PSMA8: variants seen among roughly 807,000 people sequenced by gnomAD.
PSMA8 encodes the protein proteasome subunit alpha-type 8.
Under a neutral mutation model 32.4 loss-of-function variants are expected in PSMA8, and 18 were observed. That is an observed-to-expected ratio of 0.56 (90% CI 0.38 to 0.82). PSMA8 has a LOEUF of 0.82. PSMA8 is among the 40% of genes least tolerant of loss of function. The pLI is 0.00. For missense variants in PSMA8, 298 were observed against 300.7 expected (o/e 0.99, Z 0.07); for synonymous variants, 104 against 98.1 (o/e 1.06, Z -0.36).
intron 6 of PSMA8, among the ~76,000 whole-genome samples, chr18:26,187,374 C>A (rs2055364451): frequency 6.6e-6 from 1 of 151,922 alleles, no homozygotes; most frequent in African/African-American, 2.4e-5. Flanking sequence ...AGCAGTGGCT[C>A]ACACCTGTAA....
At chr18:26,182,981 A>G (rs1474927872) in intron 6 of PSMA8, among the ~76,000 whole-genome samples, 1 of 151,950 alleles carries the variant, frequency 6.6e-6, no homozygotes, top group Middle Eastern at 3.4e-3. Context: ...AATCCCAGCT[A>G]CTTAGGAGGC....
chr18:26,140,333 TG>T (rs2054945563), intron 1 of PSMA8, among the ~76,000 whole-genome samples: 1 of 152,194 alleles, frequency 6.6e-6, no homozygotes, highest in African/African-American at 2.4e-5. Context: ...CTTGGATCCA[TG>T]GGGTCCATGG....
At chr18:26,179,674 A>G (rs1173600219) in intron 6 of PSMA8, among the ~76,000 whole-genome samples, 1 of 152,162 alleles carries the variant, frequency 6.6e-6, no homozygotes, top group Non-Finnish European at 1.5e-5. Flanking sequence ...AATGTAGTTC[A>G]CTATTGTTCA....
rs142644405 is a variant in PSMA8, at chr18:26,144,684, A to G, written c.228A>G (p.Ala76=). 5.6e-6 allele frequency: 9 copies of G among 1,613,538 alleles called. No homozygotes were observed. The highest frequency in any genetic ancestry group is 1.7e-6 in the Non-Finnish European group (2 of 1,179,738). Reference sequence around the variant, plus strand: ...ATGACCATGTCTGCATGGCTTTTGCAGGTACTTAAGGTCCTACAATAATGA... The same window carrying G: ...ATGACCATGTCTGCATGGCTTTTGCGGGTACTTAAGGTCCTACAATAATGA... ...ALDDHVCMAF[A]GLTADARVVI... Residue 76 remains alanine, a splice_region_variant and synonymous_variant, in exon 2 of 7, where the codon GCA becomes GCG. Transcript: ENST00000415576.
At chr18:26,175,132 G>A (rs1387622774) in intron 4 of PSMA8, among the ~76,000 whole-genome samples, 1 of 152,198 alleles carries the variant, frequency 6.6e-6, no homozygotes. Context: ...TGTGAGTAGA[G>A]TTTTTTGCTC....
intron 4 of PSMA8, chr18:26,171,108 G>T: frequency 1.3e-6 from 2 of 1,559,436 alleles, no homozygotes; most frequent in South Asian, 2.2e-5. Flanking sequence ...CTCAGGAATG[G>T]AGAACCAGGT....
intron 4 of PSMA8, among the ~76,000 whole-genome samples, chr18:26,173,952 G>A (rs1425669760): frequency 6.6e-6 from 1 of 151,828 alleles, no homozygotes; most frequent in Non-Finnish European, 1.5e-5. Context: ...ATGAATACTA[G>A]ATAATAACAT....
intron 4 of PSMA8, among the ~76,000 whole-genome samples, chr18:26,161,198 A>T (rs1007824074): frequency 6.6e-6 from 1 of 152,198 alleles, no homozygotes; most frequent in Admixed American, 6.5e-5. Context: ...TTTCTTGGGA[A>T]CTAGAACCTT....
At chr18:26,147,225 A>G (rs1312139121) in intron 2 of PSMA8, among the ~76,000 whole-genome samples, 5 of 151,862 alleles carry the variant, frequency 3.3e-5, no homozygotes, top group Non-Finnish European at 7.4e-5. Flanking sequence ...AAAAAAAAAA[A>G]AAAAAAAGAT....
At chr18:26,161,610 T>C (rs887079708) in intron 4 of PSMA8, among the ~76,000 whole-genome samples, 1 of 152,228 alleles carries the variant, frequency 6.6e-6, no homozygotes, top group African/African-American at 2.4e-5. Flanking sequence ...AAGTGGTGCA[T>C]GGCAGTAGTC....
chr18:26,184,339 A>G (rs1293644020), intron 6 of PSMA8, among the ~76,000 whole-genome samples: 1 of 150,786 alleles, frequency 6.6e-6, no homozygotes, highest in Non-Finnish European at 1.5e-5. Flanking sequence ...GTCATTTTCT[A>G]CAACTATAAA....
chr18:26,174,301 G>C (rs950392911), intron 4 of PSMA8, among the ~76,000 whole-genome samples: 3 of 152,098 alleles, frequency 2.0e-5, no homozygotes, highest in African/African-American at 7.2e-5. Flanking sequence ...TAAGATATTG[G>C]TATTTAAGTG....
chr18:26,177,519 G>A (rs2055273537), intron 4 of PSMA8, among the ~76,000 whole-genome samples: 2 of 152,116 alleles, frequency 1.3e-5, no homozygotes, highest in Non-Finnish European at 2.9e-5. Flanking sequence ...ACACATAAGT[G>A]TTCTGTTAAT....
At chr18:26,184,773 CA>C (rs1278227957) in intron 6 of PSMA8, among the ~76,000 whole-genome samples, 1,640 of 77,008 alleles carry the variant, frequency 0.021, 50 homozygotes, top group African/African-American at 0.056. Flanking sequence ...GACTCTGTCT[CA>C]AAAAAAAAAA....
At chr18:26,147,276 G>A (rs2055011638) in intron 2 of PSMA8, among the ~76,000 whole-genome samples, 1 of 149,782 alleles carries the variant, frequency 6.7e-6, no homozygotes, top group African/African-American at 2.5e-5. Flanking sequence ...AAAATGGAAT[G>A]GAACTAGAAA....
At chr18:26,163,317 A>G (rs143797713) in intron 4 of PSMA8, among the ~76,000 whole-genome samples, 8 of 146,488 alleles carry the variant, frequency 5.5e-5, no homozygotes, top group African/African-American at 1.8e-4. Context: ...ACTGATATAC[A>G]CAAGGTGGTC....
At chr18:26,171,083 T>G (rs1386308915) in intron 4 of PSMA8, 1 of 1,559,358 alleles carries the variant, frequency 6.4e-7, no homozygotes, top group African/African-American at 2.3e-5. Context: ...TTCTACCCTT[T>G]AAAGGTCGAT....
chr18:26,170,844 A>C, intron 4 of PSMA8: 1 of 1,559,204 alleles, frequency 6.4e-7, no homozygotes, highest in Non-Finnish European at 8.5e-7. Context: ...TTCTGGAAAA[A>C]ACGTGTCACT....
rs778776037 is a variant in PSMA8, at chr18:26,179,045, A to G, written c.598-23A>G. On this transcript the variant is annotated intron_variant, in intron 5 of 6. Coordinates refer to ENST00000415576, the MANE Select transcript of PSMA8 (RefSeq NM_001025096.2). Reference sequence around the variant, plus strand: ...CACAAAATTTGCTGAAATAATTCTAATAGTGTACTTGTTCTACATTAGGTT... The same window carrying G: ...CACAAAATTTGCTGAAATAATTCTAGTAGTGTACTTGTTCTACATTAGGTT... The G allele has an allele frequency of 5.6e-6, 9 of 1,610,068 alleles. No individual in the cohort carries two copies. In the Admixed American group the frequency reaches 1.2e-4, roughly 21 times the overall value.
Sources: allele counts gnomAD v4.1 joint callset (sites outside exome capture counted in the v4.1 genomes callset), GRCh38; gene constraint gnomAD v4.1.1; transcripts MANE v1.5; gene names NCBI Gene and HGNC (gene_info 2026-07-23, HGNC 2026-07-21).